Variants in EPHX2 observed in about 807,000 individuals in gnomAD.
EPHX2 encodes epoxide hydrolase 2, also known as bifunctional epoxide hydrolase 2.
Under a neutral mutation model 78.7 loss-of-function variants are expected in EPHX2, and 74 were observed. The ratio of observed to expected loss-of-function variants is 0.94; its 90% confidence interval spans 0.78 to 1.14. The LOEUF (loss-of-function observed/expected upper bound fraction) is 1.14. Ranked by LOEUF, EPHX2 falls within the 50% of genes most tolerant of loss-of-function variation. The pLI is 0.00. For missense variants in EPHX2, 715 were observed against 702.5 expected (o/e 1.02, Z -0.20); for synonymous variants, 251 against 255.2 (o/e 0.98, Z 0.16).
chr8:27,525,473 AG>A lies in EPHX2; in HGVS notation c.1170+1del. The A allele has an allele frequency of 6.2e-7, 1 of 1,611,926 alleles. No homozygotes were observed. ...ATTACCAGCTCTACTTCCAAGAACC[AG>A]TAAGTATGGCACCAAGGGCAACAAT... On this transcript the variant is annotated splice_donor_variant, in intron 12 of 18. Transcript: ENST00000521400. LOFTEE classifies it high-confidence loss of function.
rs1332167306 is a variant in EPHX2, at chr8:27,537,510, C to CGGGT, written c.1242+656_1242+659dup. 2.0e-5 allele frequency among the ~76,000 whole-genome samples: 3 copies of CGGGT among 152,286 alleles called. No homozygotes were observed. The Middle Eastern group carries it at 0.01, about 518-fold the overall frequency. On this transcript the variant is annotated intron_variant, in intron 13 of 18. Transcript: ENST00000521400. ...TCTGTCATTGCTTGTGAGTCAGCCT[C>CGGGT]GGGTCTAACCTCCTATACATTAATT...
chr8:27,522,767 C>T (rs970187125), intron 11 of EPHX2, among the ~76,000 whole-genome samples: 3 of 151,310 alleles, frequency 2.0e-5, no homozygotes, highest in Non-Finnish European at 2.9e-5. Context: ...TGAGACCAGC[C>T]CTGGCCAACA....
In EPHX2 at chr8:27,516,336, A is replaced by C; in HGVS notation, c.848A>C (p.Gln283Pro). 1 of 1,613,996 alleles carries C rather than the reference A, an allele frequency of 6.2e-7. No individual in the cohort carries two copies. Among genetic ancestry groups the C allele is most frequent in the Non-Finnish European group, 8.5e-7 (1 of 1,179,948 alleles). ...SWRYQIPALA[Q>P]AGYRVLAMDM... Reference sequence around the variant, plus strand: ...GTTTTCTAGATCCCTGCTCTGGCCCAGGCAGGTTACCGGGTCCTAGCTATG... The same window carrying C: ...GTTTTCTAGATCCCTGCTCTGGCCCCGGCAGGTTACCGGGTCCTAGCTATG... The change falls in exon 8 of 19, where the codon CAG (glutamine) becomes CCG (proline). Residue 283 changes from glutamine to proline, a missense_variant. Transcript: ENST00000521400.
chr8:27,537,958 C>T (rs1299711048), intron 13 of EPHX2, among the ~76,000 whole-genome samples: 1 of 152,102 alleles, frequency 6.6e-6, no homozygotes, highest in Non-Finnish European at 1.5e-5. Context: ...GGAAATGACC[C>T]CTTGAGTGGT....
At chr8:27,500,265 C>T (rs911169530) in intron 1 of EPHX2, among the ~76,000 whole-genome samples, 8 of 152,062 alleles carry the variant, frequency 5.3e-5, no homozygotes, top group South Asian at 2.1e-4. Flanking sequence ...CTCTCTCTTC[C>T]TCCTGCTCCA....
Position 27,503,694 on chromosome 8 carries a change from G to C in EPHX2, c.277G>C (p.Asp93His). 1 of 1,613,944 alleles carries C rather than the reference G, an allele frequency of 6.2e-7. No individual in the cohort carries two copies. The highest frequency in any genetic ancestry group is 1.3e-5 in the African/African-American group (1 of 75,002). The stretch of plus-strand genomic sequence containing the variant: ...GAATTTCTCCATAAAAGAAATCTTT[G>C]ACAAGGCGATTTCAGCCAGAAAGAT... ...PKNFSIKEIF[D>H]KAISARKINR... Residue 93 changes from aspartate (D) to histidine (H), a missense_variant, in exon 3 of 19, where the codon GAC becomes CAC. Coordinates refer to ENST00000521400, the MANE Select transcript of EPHX2 (RefSeq NM_001979.6).
intron 3 of EPHX2, among the ~76,000 whole-genome samples, chr8:27,504,698 C>A (rs552427003): frequency 6.6e-6 from 1 of 152,234 alleles, no homozygotes; most frequent in African/African-American, 2.4e-5. Flanking sequence ...CCACTGTTGT[C>A]AAGGAGGAAG....
intron 12 of EPHX2, among the ~76,000 whole-genome samples, chr8:27,532,474 A>G (rs1445851374): frequency 6.6e-6 from 1 of 152,174 alleles, no homozygotes; most frequent in African/African-American, 2.4e-5. Flanking sequence ...AAGTACCACA[A>G]GCTGTGAGTT....
intron 1 of EPHX2, among the ~76,000 whole-genome samples, chr8:27,500,566 GA>G (rs2132713987): frequency 6.6e-6 from 1 of 152,272 alleles, no homozygotes; most frequent in South Asian, 2.1e-4. Flanking sequence ...GTGAACTCAT[GA>G]AAAAGTTCTT....
intron 10 of EPHX2, 33 bp downstream of exon 10, chr8:27,520,942 GA>G (rs762073128): frequency 2.5e-6 from 4 of 1,613,408 alleles, no homozygotes; most frequent in Non-Finnish European, 3.4e-6. Context: ...TATCTTTGGA[GA>G]ATTCCTTTGG....
chr8:27,511,974 CAG>C, intron 6 of EPHX2, 64 bp downstream of exon 6: 1 of 1,496,894 alleles, frequency 6.7e-7, no homozygotes, highest in South Asian at 1.1e-5. Context: ...AAACGACCAG[CAG>C]AGACACCCAA....
chr8:27,544,654 A>T lies in EPHX2; in HGVS notation c.*132A>T, dbSNP rs1302037464. ...CATTGTTCTGAAGGGGTTTGCAGAA[A>T]AAAAAGATTTTCTTTACATAAAGTG... On this transcript the variant is annotated 3_prime_UTR_variant, in exon 19 of 19. Transcript: ENST00000521400. 1 of 889,072 alleles carries T rather than the reference A, an allele frequency of 1.1e-6. No homozygotes were observed. The highest frequency in any genetic ancestry group is 1.7e-5 in the African/African-American group (1 of 58,752). The allele number at this position is 889,072 out of a possible 1,614,324, so 55.1% of individuals were successfully genotyped here. A position where few individuals can be genotyped will look rare whatever the true frequency, so the allele number is the denominator to read the frequency against.
At chr8:27,519,590 T>C (rs1814574862) in intron 9 of EPHX2, among the ~76,000 whole-genome samples, 1 of 152,222 alleles carries the variant, frequency 6.6e-6, no homozygotes, top group South Asian at 2.1e-4. Context: ...TGGAGTCAGC[T>C]TGGTTCCTGA....
chr8:27,503,524 GTA>G, intron 2 of EPHX2, 78 bp from the exon 3 acceptor site: 3 of 1,446,740 alleles, frequency 2.1e-6, no homozygotes, highest in Middle Eastern at 1.8e-4. Context: ...CACAGGGAAT[GTA>G]TATGTTTAGA....
intron 15 of EPHX2, 151 bp downstream of exon 15, chr8:27,540,807 G>A (rs1273464620): frequency 2.9e-6 from 2 of 689,826 alleles, no homozygotes; most frequent in Non-Finnish European, 5.0e-6. Flanking sequence ...CCAGTGTCGG[G>A]AGGCTCACTA....
chr8:27,530,177 C>T (rs1814988715), intron 12 of EPHX2, among the ~76,000 whole-genome samples: 2 of 152,076 alleles, frequency 1.3e-5, no homozygotes, highest in African/African-American at 4.8e-5. Flanking sequence ...TGAGAGCTGC[C>T]ATGCCAGCCT....
intron 10 of EPHX2, among the ~76,000 whole-genome samples, chr8:27,521,524 A>T (rs1814647532): frequency 6.6e-6 from 1 of 152,108 alleles, no homozygotes; most frequent in Non-Finnish European, 1.5e-5. Flanking sequence ...TCTTAATTGG[A>T]TGTGGGAGTC....
intron 11 of EPHX2, among the ~76,000 whole-genome samples, chr8:27,524,614 G>A (rs1814759979): frequency 6.6e-6 from 1 of 152,170 alleles, no homozygotes; most frequent in South Asian, 2.1e-4. Flanking sequence ...ACAGCTGCAA[G>A]CTTTGCCCCC....
At chr8:27,528,075 C>T (rs943365634) in intron 12 of EPHX2, among the ~76,000 whole-genome samples, 4 of 152,068 alleles carry the variant, frequency 2.6e-5, no homozygotes, top group African/African-American at 9.7e-5. Context: ...AGGGACAAAT[C>T]AGGATAGGCT....
Sources: allele counts gnomAD v4.1 joint callset (sites outside exome capture counted in the v4.1 genomes callset), GRCh38; gene constraint gnomAD v4.1.1; transcripts MANE v1.5; gene names NCBI Gene and HGNC (gene_info 2026-07-23, HGNC 2026-07-21).